Variants in SNTG1 observed in about 807,000 individuals in gnomAD.
SNTG1 encodes the protein syntrophin gamma 1.
A neutral mutation model predicts 74.7 loss-of-function variants in SNTG1; 39 were observed. The observed-to-expected ratio is 0.52, with a 90% CI of 0.40 to 0.68. SNTG1 has a LOEUF of 0.68. Among genes scored for constraint, SNTG1 ranks in the 30% least tolerant of loss-of-function variants. The pLI is 0.00. For missense variants in SNTG1, 685 were observed against 609.5 expected (o/e 1.12, Z -1.30); for synonymous variants, 254 against 217.1 (o/e 1.17, Z -1.49).
intron 12 of SNTG1, among the ~76,000 whole-genome samples, chr8:50,558,143 C>T (rs919762158): frequency 8.5e-5 from 13 of 152,116 alleles, no homozygotes; most frequent in African/African-American, 3.1e-4. Context: ...AGTGGGGATC[C>T]CTCATGCCAC....
At chr8:50,445,765 GC>G (rs1563397328) in intron 5 of SNTG1, among the ~76,000 whole-genome samples, 1 of 152,154 alleles carries the variant, frequency 6.6e-6, no homozygotes, top group African/African-American at 2.4e-5. Context: ...CCACAGTCCC[GC>G]CCAGGAGTGC....
intron 1 of SNTG1, among the ~76,000 whole-genome samples, chr8:49,931,387 T>C (rs556399679): frequency 6.6e-6 from 1 of 152,288 alleles, no homozygotes; most frequent in African/African-American, 2.4e-5. Flanking sequence ...AAGGGAATCA[T>C]AGACACTGTA....
intron 8 of SNTG1, among the ~76,000 whole-genome samples, chr8:50,475,535 T>A (rs11785117): frequency 0.6 from 90,423 of 151,952 alleles, 31,257 homozygotes; most frequent in Non-Finnish European, 0.77. Flanking sequence ...CAGATGCCAT[T>A]TCCGTGTGTT....
chr8:50,566,154 G>T (rs17709272), intron 12 of SNTG1, among the ~76,000 whole-genome samples: 72,408 of 151,670 alleles, frequency 0.48, 21,303 homozygotes, highest in East Asian at 0.71. Flanking sequence ...ATTTTGTTTT[G>T]TCTGGTATCC....
chr8:50,315,726 CA>C (rs2090290707), intron 2 of SNTG1, among the ~76,000 whole-genome samples: 1 of 138,118 alleles, frequency 7.2e-6, no homozygotes, highest in African/African-American at 3.0e-5. Context: ...AACAATCTTT[CA>C]TTCAAAACCA....
chr8:50,453,166 TG>T (rs1440427828), intron 8 of SNTG1, among the ~76,000 whole-genome samples: 1 of 152,236 alleles, frequency 6.6e-6, no homozygotes, highest in African/African-American at 2.4e-5. Context: ...ATGTTACTTT[TG>T]TGTTGGAGTT....
At position 50,792,889 on chromosome 8, in the gene SNTG1, C is replaced by T; in HGVS notation, c.*60C>T. ...GTATAAGCAGGACACATTTACTCAT[C>T]ATTTTAGACCCTAGAGAAACCATAA... On this transcript the variant is annotated 3_prime_UTR_variant, in exon 19 of 19. Coordinates refer to ENST00000642720, the MANE Select transcript of SNTG1 (RefSeq NM_018967.5). 6.8e-7 allele frequency: 1 copy of T among 1,480,208 alleles called. No individual in the cohort carries two copies. The highest frequency in any genetic ancestry group is 2.4e-5 in the East Asian group (1 of 41,884). The allele number at this position is 1,480,208 out of a possible 1,614,324, so 91.7% of individuals were successfully genotyped here.
At chr8:50,533,697 C>T (rs997011197) in intron 10 of SNTG1, among the ~76,000 whole-genome samples, 3 of 152,108 alleles carry the variant, frequency 2.0e-5, no homozygotes, top group Non-Finnish European at 4.4e-5. Context: ...ATATGAAATA[C>T]ATCAACTCTG....
intron 9 of SNTG1, among the ~76,000 whole-genome samples, chr8:50,507,453 A>T (rs1474571523): frequency 6.6e-6 from 1 of 152,006 alleles, no homozygotes; most frequent in East Asian, 1.9e-4. Context: ...CCATCTGGTC[A>T]TGGGCCCTTC....
At chr8:50,190,925 G>C (rs533963530) in intron 2 of SNTG1, among the ~76,000 whole-genome samples, 33 of 152,152 alleles carry the variant, frequency 2.2e-4, no homozygotes, top group Non-Finnish European at 4.4e-4. Context: ...ATTGGGCTTA[G>C]ATAGAATGGT....
intron 1 of SNTG1, among the ~76,000 whole-genome samples, chr8:50,019,659 A>G (rs558734924): frequency 1.3e-5 from 2 of 152,242 alleles, no homozygotes; most frequent in Admixed American, 1.3e-4. Flanking sequence ...GATAAAACTG[A>G]TTCATACATT....
chr8:50,510,538 C>G (rs2094060198), intron 9 of SNTG1, among the ~76,000 whole-genome samples: 1 of 152,180 alleles, frequency 6.6e-6, no homozygotes, highest in Non-Finnish European at 1.5e-5. Context: ...GTGAATCCAT[C>G]TGGTCCTGGA....
At chr8:50,141,146 C>T (rs2081642920) in intron 1 of SNTG1, among the ~76,000 whole-genome samples, 1 of 152,182 alleles carries the variant, frequency 6.6e-6, no homozygotes, top group African/African-American at 2.4e-5. Context: ...CTGCTGTTCA[C>T]GTTTTAGGCA....
At chr8:50,538,049 T>G (rs2094320041) in intron 11 of SNTG1, among the ~76,000 whole-genome samples, 2 of 152,210 alleles carry the variant, frequency 1.3e-5, no homozygotes, top group African/African-American at 4.8e-5. Context: ...TTATTTATAG[T>G]ATTTTTGAGT....
rs116768488 is a variant in SNTG1, at chr8:50,756,637, C to T, written c.1395+4526C>T. Among the ~76,000 whole-genome samples, 990 of 151,732 alleles carry T rather than the reference C, an allele frequency of 6.5e-3. 12 individuals are homozygous for T. Among genetic ancestry groups the T allele is most frequent in the African/African-American group, 0.023 (939 of 41,478 alleles). On this transcript the variant is annotated intron_variant, in intron 18 of 18. Coordinates refer to ENST00000642720, the MANE Select transcript of SNTG1 (RefSeq NM_018967.5). ...GTTCCATTGATCTATTTGTCTGTTT[C>T]TTTCCTAACATCATGCTGTCTTGAT...
intron 2 of SNTG1, among the ~76,000 whole-genome samples, chr8:50,268,936 G>A (rs554675534): frequency 1.9e-4 from 29 of 152,226 alleles, no homozygotes; most frequent in African/African-American, 7.0e-4. Flanking sequence ...TGAGGTTACA[G>A]GTGTGAGCCA....
chr8:49,939,149 C>T (rs1468336825), intron 1 of SNTG1, among the ~76,000 whole-genome samples: 2 of 151,972 alleles, frequency 1.3e-5, no homozygotes, highest in African/African-American at 4.8e-5. Flanking sequence ...TTTATACTTA[C>T]TCTTTCCACT....
chr8:49,913,148 T>C (rs1805723936), intron 1 of SNTG1, among the ~76,000 whole-genome samples: 1 of 152,220 alleles, frequency 6.6e-6, no homozygotes, highest in African/African-American at 2.4e-5. Context: ...AACCCGTGCC[T>C]GACATTTCAC....
chr8:49,980,695 G>A (rs573618513), intron 1 of SNTG1, among the ~76,000 whole-genome samples: 4 of 151,964 alleles, frequency 2.6e-5, no homozygotes, highest in African/African-American at 9.6e-5. Context: ...TTATAATTGA[G>A]TGTGGTAGAA....
Sources: gnomAD v4.1 joint callset for allele counts (sites outside exome capture counted in the v4.1 genomes callset) on GRCh38, gnomAD v4.1.1 for gene constraint, MANE v1.5 for transcripts, NCBI Gene and HGNC (gene_info 2026-07-23, HGNC 2026-07-21) for gene names.